Variants in KCNK2 observed in about 807,000 individuals in gnomAD.
KCNK2 encodes potassium two pore domain channel subfamily K member 2.
KCNK2 carries 21 observed loss-of-function variants against 40.5 expected under a neutral mutation model. That is an observed-to-expected ratio of 0.52 (90% CI 0.37 to 0.75). The LOEUF (loss-of-function observed/expected upper bound fraction) is 0.75. KCNK2 is among the 30% of genes least tolerant of loss of function. The probability of loss-of-function intolerance (pLI) is 0.00; values close to 1 mark genes in which losing one functional copy is unlikely to be tolerated. For missense variants in KCNK2, 399 were observed against 531.6 expected, an observed-to-expected ratio of 0.75 and a Z score of 2.45; for synonymous variants, 191 against 202.2, an observed-to-expected ratio of 0.94 and a Z score of 0.47.
chr1:215,063,706 G>A (rs147541716), intron 1 of KCNK2, among the ~76,000 whole-genome samples: 105 of 152,296 alleles, frequency 6.9e-4, no homozygotes, highest in African/African-American at 1.9e-3. Context: ...ATGAGAGCAG[G>A]TCTCTTGTGA....
At chr1:215,033,204 CTTTT>C (rs35027891) in intron 1 of KCNK2, among the ~76,000 whole-genome samples, 2 of 141,564 alleles carry the variant, frequency 1.4e-5, no homozygotes, top group African/African-American at 2.6e-5. Context: ...AGTTTCTTTT[CTTTT>C]TTTTTTTTTT....
intron 1 of KCNK2, among the ~76,000 whole-genome samples, chr1:215,052,712 G>A (rs1453929109): frequency 6.6e-6 from 1 of 152,150 alleles, no homozygotes; most frequent in Non-Finnish European, 1.5e-5. Context: ...GAGAAACCTT[G>A]GATTAGAAGT....
chr1:215,232,818 C>A (rs1029716997), intron 6 of KCNK2, among the ~76,000 whole-genome samples: 2 of 152,060 alleles, frequency 1.3e-5, no homozygotes, highest in African/African-American at 4.8e-5. Context: ...TGGTGGTAAC[C>A]AAAATAAACC....
chr1:215,133,229 GAA>G (rs1433432378), intron 3 of KCNK2, among the ~76,000 whole-genome samples: 2 of 152,152 alleles, frequency 1.3e-5, no homozygotes, highest in Non-Finnish European at 2.9e-5. Flanking sequence ...GAATAATTTT[GAA>G]AAGTTTTCAA....
chr1:215,204,195 T>A (rs949188784), intron 6 of KCNK2, among the ~76,000 whole-genome samples: 1 of 151,728 alleles, frequency 6.6e-6, no homozygotes, highest in African/African-American at 2.4e-5. Context: ...GGATTCTTCC[T>A]TTTATTAAAC....
At chr1:215,163,456 T>C (rs1663299255) in intron 3 of KCNK2, among the ~76,000 whole-genome samples, 1 of 152,174 alleles carries the variant, frequency 6.6e-6, no homozygotes, top group Admixed American at 6.5e-5. Context: ...CAATACTGTG[T>C]TGAATAGGAG....
rs527554388 is a variant in KCNK2 at position 215,050,015 on chromosome 1, A to C, written c.35-36353A>C. On this transcript the variant is annotated intron_variant, in intron 1 of 6. Coordinates refer to the KCNK2 transcript ENST00000391895. ...CTGTGCCTTCCTCCATAAATTTTAT[A>C]ATAAGCTTATCTATGTCTATAAAAA... 2.0e-5 allele frequency among the ~76,000 whole-genome samples: 3 copies of C among 152,284 alleles called. No individual in the cohort carries two copies. The South Asian group carries it at 6.2e-4, about 32-fold the overall frequency.
intron 3 of KCNK2, among the ~76,000 whole-genome samples, chr1:215,132,125 C>G (rs1382981007): frequency 6.6e-6 from 1 of 152,202 alleles, no homozygotes; most frequent in Non-Finnish European, 1.5e-5. Flanking sequence ...CTGAACACCG[C>G]AAAGCCTATG....
intron 3 of KCNK2, among the ~76,000 whole-genome samples, chr1:215,153,302 G>C (rs936053687): frequency 6.6e-6 from 1 of 152,116 alleles, no homozygotes; most frequent in African/African-American, 2.4e-5. Flanking sequence ...TCAGTAACTA[G>C]GTATATTCTT....
At chr1:215,187,572 T>C (rs1664494120) in intron 5 of KCNK2, among the ~76,000 whole-genome samples, 1 of 152,114 alleles carries the variant, frequency 6.6e-6, no homozygotes, top group African/African-American at 2.4e-5. Flanking sequence ...TAGTGATTCT[T>C]CTTCAAAATT....
chr1:215,077,564 T>C (rs1658988664), intron 1 of KCNK2, among the ~76,000 whole-genome samples: 1 of 152,098 alleles, frequency 6.6e-6, no homozygotes, highest in Non-Finnish European at 1.5e-5. Context: ...ATGCACTTGA[T>C]GAGATTTCTT....
upstream of KCNK2, among the ~76,000 whole-genome samples, chr1:215,081,165 A>ATGTG (rs34229936): frequency 5.6e-3 from 841 of 149,346 alleles, 2 homozygotes; most frequent in South Asian, 0.016. Context: ...GTACACGCAA[A>ATGTG]TGTGTGTGTG....
intron 3 of KCNK2, among the ~76,000 whole-genome samples, chr1:215,158,900 CT>C (rs1302361965): frequency 1.3e-5 from 2 of 151,960 alleles, no homozygotes; most frequent in African/African-American, 4.8e-5. Flanking sequence ...TTGGCAAGTC[CT>C]TCAAGTTTTT....
chr1:215,026,073 A>T (rs1656989499), intron 1 of KCNK2, among the ~76,000 whole-genome samples: 1 of 151,856 alleles, frequency 6.6e-6, no homozygotes, highest in Non-Finnish European at 1.5e-5. Flanking sequence ...ATTTATTATT[A>T]CTTCAGTTTC....
At chr1:215,195,679 G>T (rs1208158355) in intron 6 of KCNK2, among the ~76,000 whole-genome samples, 1 of 152,070 alleles carries the variant, frequency 6.6e-6, no homozygotes, top group East Asian at 1.9e-4. Flanking sequence ...GTGAACATTA[G>T]AATTTTGACC....
At chr1:215,227,469 C>G (rs1666430078) in intron 6 of KCNK2, among the ~76,000 whole-genome samples, 1 of 152,010 alleles carries the variant, frequency 6.6e-6, no homozygotes, top group South Asian at 2.1e-4. Flanking sequence ...CAGGATGGCC[C>G]CCGACATGGA....
intron 2 of KCNK2, among the ~76,000 whole-genome samples, chr1:215,095,651 G>GT (rs1172934759): frequency 1.3e-5 from 2 of 151,884 alleles, no homozygotes; most frequent in Non-Finnish European, 2.9e-5. Context: ...ATGGGGTTGC[G>GT]TTTTTTTCAC....
intron 3 of KCNK2, among the ~76,000 whole-genome samples, chr1:215,160,430 A>G (rs1663141812): frequency 6.6e-6 from 1 of 152,180 alleles, no homozygotes; most frequent in Non-Finnish European, 1.5e-5. Flanking sequence ...TTTTGAAAAT[A>G]AAAGGTGAAA....
At position 215,077,277 on chromosome 1, in the gene KCNK2, G is replaced by A. The variant is rs189150096; in HGVS notation, c.35-9091G>A. On this transcript the variant is annotated intron_variant, in intron 1 of 6. Coordinates refer to the KCNK2 transcript ENST00000391895. The stretch of plus-strand genomic sequence containing the variant: ...AAGGACATCAGAAAGACATTTCATC[G>A]AAGTACTGCCTAACTGTTGTCTCTC... 4.2e-3 allele frequency among the ~76,000 whole-genome samples: 642 copies of A among 152,220 alleles called. 1 individual carries two copies. Among genetic ancestry groups the A allele is most frequent in the Middle Eastern group, 0.01 (3 of 292 alleles).
Sources: allele counts gnomAD v4.1 joint callset (sites outside exome capture counted in the v4.1 genomes callset), GRCh38; gene constraint gnomAD v4.1.1; transcripts MANE v1.5; gene names NCBI Gene and HGNC (gene_info 2026-07-23, HGNC 2026-07-21).